Variants in RORA observed in about 807,000 individuals in gnomAD.
The protein encoded by RORA is nuclear receptor ROR-alpha.
RORA carries 7 observed loss-of-function variants against 69.5 expected under a neutral mutation model. That is an observed-to-expected ratio of 0.10 (90% CI 0.06 to 0.19). The LOEUF is 0.19. Ranked by LOEUF, RORA falls within the 10% of genes least tolerant of loss-of-function variation. The pLI, the probability that RORA is intolerant of heterozygous loss-of-function variation, is 1.00. For synonymous variants in RORA, 261 were observed against 240.8 expected, an observed-to-expected ratio of 1.08 and a Z score of -0.78; for missense variants, 457 against 663.0, an observed-to-expected ratio of 0.69 and a Z score of 3.41.
At chr15:60,605,180 T>C (rs17303055) in intron 2 of RORA, among the ~76,000 whole-genome samples, 1 of 152,100 alleles carries the variant, frequency 6.6e-6, no homozygotes, top group Non-Finnish European at 1.5e-5. Flanking sequence ...CGATATACTA[T>C]GTACATGTCA....
chr15:60,839,542 T>G (rs2073168487), intron 1 of RORA, among the ~76,000 whole-genome samples: 2 of 152,240 alleles, frequency 1.3e-5, no homozygotes, highest in South Asian at 4.1e-4. Context: ...CAAACTTGAA[T>G]GCAAGTCTGC....
chr15:61,055,056 C>T (rs536460130), intron 1 of RORA, among the ~76,000 whole-genome samples: 4 of 152,124 alleles, frequency 2.6e-5, no homozygotes, highest in Non-Finnish European at 4.4e-5. Flanking sequence ...AGACTGGTCT[C>T]GAACTCCTGG....
chr15:60,712,374 G>A (rs974261608), intron 1 of RORA, among the ~76,000 whole-genome samples: 2 of 152,094 alleles, frequency 1.3e-5, no homozygotes, highest in Admixed American at 6.6e-5. Flanking sequence ...AACTAAATTT[G>A]GTCTAAATGA....
intron 1 of RORA, among the ~76,000 whole-genome samples, chr15:61,054,120 G>A (rs1015912002): frequency 1.3e-5 from 2 of 151,880 alleles, no homozygotes; most frequent in Non-Finnish European, 2.9e-5. Context: ...GATTGAGCAT[G>A]AAGGAAAATA....
At chr15:60,891,281 G>A (rs1036018490) in intron 1 of RORA, among the ~76,000 whole-genome samples, 4 of 152,354 alleles carry the variant, frequency 2.6e-5, no homozygotes, top group Middle Eastern at 3.4e-3. Context: ...ATATGTGGGT[G>A]TATGTATGTG....
chr15:60,768,831 T>A (rs2072027040), intron 1 of RORA, among the ~76,000 whole-genome samples: 1 of 152,210 alleles, frequency 6.6e-6, no homozygotes, highest in South Asian at 2.1e-4. Context: ...ACTTTGGCAA[T>A]GATGTGTCTT....
At chr15:60,951,461 G>A (rs1893092190) in intron 1 of RORA, among the ~76,000 whole-genome samples, 1 of 151,352 alleles carries the variant, frequency 6.6e-6, no homozygotes, top group South Asian at 2.1e-4. Context: ...GAAGGAAACA[G>A]AGACACAAAA....
intron 2 of RORA, among the ~76,000 whole-genome samples, chr15:60,589,375 G>A (rs1280658243): frequency 6.6e-6 from 1 of 152,174 alleles, no homozygotes; most frequent in Non-Finnish European, 1.5e-5. Flanking sequence ...GCCTCCCTGT[G>A]CTCTTATAAC....
intron 1 of RORA, among the ~76,000 whole-genome samples, chr15:61,108,194 C>G (rs1347667410): frequency 1.3e-5 from 2 of 152,088 alleles, no homozygotes; most frequent in Non-Finnish European, 2.9e-5. Context: ...TCCCTAGTAC[C>G]GATCCTGATC....
intron 3 of RORA, among the ~76,000 whole-genome samples, chr15:60,521,096 C>A (rs2066149590): frequency 6.6e-6 from 1 of 152,080 alleles, no homozygotes; most frequent in Non-Finnish European, 1.5e-5. Context: ...ATCAGAAACA[C>A]CCACAGAGCT....
rs1309134642 is a variant in RORA, at chr15:60,496,494, CCAAT to C, written c.*957_*960del. 13 of 152,122 alleles carry C rather than the reference CCAAT, an allele frequency of 8.5e-5. No homozygotes were observed. Among genetic ancestry groups the C allele is most frequent in the African/African-American group, 3.1e-4 (13 of 41,512 alleles). The allele number at this position is 152,122 out of a possible 1,614,324, so 9.4% of individuals were successfully genotyped here. On this transcript the variant is annotated 3_prime_UTR_variant, in exon 11 of 11. Coordinates refer to ENST00000335670, the MANE Select transcript of RORA (RefSeq NM_134261.3). This position sits in a 1 kb window ranked among gnomAD's most constrained non-coding sequence, Gnocchi z 4.5. Reference sequence around the variant, plus strand: ...AGCATGATGGTATATGTCCACCACGCCAATCAATCATTCAACTTTGTATGAAGCA... The same window carrying C: ...AGCATGATGGTATATGTCCACCACGCCAATCATTCAACTTTGTATGAAGCA...
chr15:60,568,848 G>A (rs1159274488), intron 2 of RORA, among the ~76,000 whole-genome samples: 1 of 152,004 alleles, frequency 6.6e-6, no homozygotes, highest in Admixed American at 6.5e-5. Flanking sequence ...TGCAAGGACG[G>A]AACAGGGAGT....
intron 1 of RORA, among the ~76,000 whole-genome samples, chr15:61,202,186 A>G (rs1410099424): frequency 6.6e-6 from 1 of 151,188 alleles, no homozygotes; most frequent in Non-Finnish European, 1.5e-5. Flanking sequence ...TTTTTTTTGT[A>G]TTTTTAGTAG....
intron 2 of RORA, chr15:60,614,813 A>C: frequency 9.5e-7 from 1 of 1,054,756 alleles, no homozygotes; most frequent in Non-Finnish European, 1.4e-6. Context: ...ATGAGATTAT[A>C]CACACGCACA....
chr15:61,110,390 T>C (rs1485914087), intron 1 of RORA, among the ~76,000 whole-genome samples: 1 of 140,774 alleles, frequency 7.1e-6, no homozygotes, highest in African/African-American at 2.6e-5. Context: ...CGAGACTCAG[T>C]CTCAAAAAAA....
chr15:60,641,721 T>G (rs1430480346), intron 2 of RORA, among the ~76,000 whole-genome samples: 1 of 152,174 alleles, frequency 6.6e-6, no homozygotes, highest in Non-Finnish European at 1.5e-5. Context: ...TCCTTTCCAT[T>G]TCTAAAGATT....
At chr15:60,690,787 A>G (rs2070812087) in intron 1 of RORA, among the ~76,000 whole-genome samples, 1 of 152,222 alleles carries the variant, frequency 6.6e-6, no homozygotes, top group Admixed American at 6.5e-5. Context: ...AGCACCCTAC[A>G]CAGGAGTGGC....
At chr15:60,909,164 G>A (rs1169711872) in intron 1 of RORA, among the ~76,000 whole-genome samples, 2 of 152,176 alleles carry the variant, frequency 1.3e-5, no homozygotes, top group Non-Finnish European at 2.9e-5. Context: ...GAGCATAACA[G>A]AGTTACCTCT....
chr15:61,229,039 C>G lies in RORA; in HGVS notation c.166+14G>C, dbSNP rs746883932. 1 of 1,489,134 alleles carries G rather than the reference C, an allele frequency of 6.7e-7. No homozygotes were observed. Among genetic ancestry groups the G allele is most frequent in the South Asian group, 1.2e-5 (1 of 80,460 alleles). 92.2% of individuals were successfully genotyped at this position (1,489,134 alleles called of 1,614,324 possible). A position where few individuals can be genotyped will look rare whatever the true frequency, so the allele number is the denominator to read the frequency against. On this transcript the variant is annotated intron_variant, in intron 1 of 10. Transcript: ENST00000335670. Reference sequence around the variant, plus strand: ...TCCCGCCGCCCCCTCCCCAGCCCCTCTCCAGCCTCCTACCTCTGCTGGTGC... The same window carrying G: ...TCCCGCCGCCCCCTCCCCAGCCCCTGTCCAGCCTCCTACCTCTGCTGGTGC...
Sources: gnomAD v4.1 joint callset for allele counts (sites outside exome capture counted in the v4.1 genomes callset) on GRCh38, gnomAD v4.1.1 for gene constraint, Gnocchi (gnomAD v3.1) non-coding constraint, MANE v1.5 for transcripts, NCBI Gene and HGNC (gene_info 2026-07-23, HGNC 2026-07-21) for gene names.